The following KCNC1 variants were observed in gnomAD, a reference collection of about 807,000 sequenced individuals.
KCNC1 encodes potassium voltage-gated channel subfamily C member 1, also known as voltage-gated potassium channel KCNC1.
KCNC1 carries 8 observed loss-of-function variants against 43.4 expected under a neutral mutation model. The ratio of observed to expected loss-of-function variants is 0.18; its 90% CI spans 0.11 to 0.33. The LOEUF (loss-of-function observed/expected upper bound fraction) is 0.33. KCNC1 is among the 10% of genes least tolerant of loss of function. The pLI, the probability that KCNC1 is intolerant of heterozygous loss-of-function variation, is 1.00. For missense variants in KCNC1, 420 were observed against 836.0 expected, an observed-to-expected ratio of 0.50 and a Z score of 6.14; for synonymous variants, 361 against 360.5, an observed-to-expected ratio of 1.00 and a Z score of -0.01.
At chr11:17,759,609 G>C (rs1849055844) in intron 1 of KCNC1, among the ~76,000 whole-genome samples, 2 of 152,024 alleles carry the variant, frequency 1.3e-5, no homozygotes, top group African/African-American at 4.8e-5. Context: ...ACCATTGTAG[G>C]GTTATTAATT....
At chr11:17,772,741 G>A (rs765868376) in intron 2 of KCNC1, 143 bp downstream of exon 2, 3 of 1,497,396 alleles carry the variant, frequency 2.0e-6, no homozygotes, top group Non-Finnish European at 8.9e-7. Context: ...GGAGCCTGGG[G>A]GCCCAGGGAG....
chr11:17,738,038 T>C (rs952006804), intron 1 of KCNC1, among the ~76,000 whole-genome samples: 3 of 151,934 alleles, frequency 2.0e-5, no homozygotes, highest in African/African-American at 4.8e-5. Context: ...GTCAGTCTTA[T>C]ACCTTGAATT....
chr11:17,760,754 C>A (rs1286765079), intron 1 of KCNC1, among the ~76,000 whole-genome samples: 1 of 152,190 alleles, frequency 6.6e-6, no homozygotes, highest in East Asian at 1.9e-4. Flanking sequence ...CCGTTGTTCC[C>A]GAGGACAGTG....
chr11:17,736,621 C>T lies in KCNC1; in HGVS notation c.570+49C>T. On this transcript the variant is annotated intron_variant, in intron 1 of 3. Transcript: ENST00000265969. The surrounding 1 kb of genome is among the most constrained non-coding windows in gnomAD (Gnocchi z 9.3). Reference sequence around the variant, plus strand: ...AAGAGCGGGGCGGGAAGGCAGCGTCCTGTGCCTCCCCGCGGGCAGGGGTGG... The same window carrying T: ...AAGAGCGGGGCGGGAAGGCAGCGTCTTGTGCCTCCCCGCGGGCAGGGGTGG... The T allele has an allele frequency of 1.4e-6, 2 of 1,450,018 alleles. No homozygotes were observed. Among genetic ancestry groups the T allele is most frequent in the Non-Finnish European group, 1.8e-6 (2 of 1,108,370 alleles). The allele number at this position is 1,450,018 out of a possible 1,614,324, so 89.8% of individuals were successfully genotyped here. A position where few individuals can be genotyped will look rare whatever the true frequency, so the allele number is the denominator to read the frequency against.
chr11:17,769,321 A>G (rs1476601000), intron 1 of KCNC1, among the ~76,000 whole-genome samples: 1 of 145,716 alleles, frequency 6.9e-6, no homozygotes, highest in African/African-American at 2.5e-5. Flanking sequence ...GGTGGTTGGA[A>G]GGGAGGGATG....
In KCNC1 at chr11:17,777,134, G is replaced by A; in HGVS notation, c.1505-2322G>A. 2.0e-6 allele frequency: 2 copies of A among 984,900 alleles called. No homozygotes were observed. Among genetic ancestry groups the A allele is most frequent in the Non-Finnish European group, 2.4e-6 (2 of 829,748 alleles). The allele number at this position is 984,900 out of a possible 1,614,324, so 61.0% of individuals were successfully genotyped here. ...GCCCTTTAGTGATTGTGAGAGCTGGGAGCCCCCAGGGCCTGGGGGCTTGTG... is the reference window on the plus strand; with the variant it reads ...GCCCTTTAGTGATTGTGAGAGCTGGAAGCCCCCAGGGCCTGGGGGCTTGTG... On this transcript the variant is annotated intron_variant, in intron 2 of 3. Coordinates refer to ENST00000265969, the MANE Select transcript of KCNC1 (RefSeq NM_001112741.2). The surrounding 1 kb of genome is among the most constrained non-coding windows in gnomAD (Gnocchi z 4.3).
intron 1 of KCNC1, among the ~76,000 whole-genome samples, chr11:17,768,595 T>G (rs1236042940): frequency 1.1e-4 from 9 of 81,886 alleles, no homozygotes; most frequent in Admixed American, 2.1e-4. Flanking sequence ...GGGAGTACAG[T>G]GGAGAATGGA....
intron 1 of KCNC1, among the ~76,000 whole-genome samples, chr11:17,737,424 C>G (rs1011373866): frequency 1.3e-5 from 2 of 152,040 alleles, no homozygotes; most frequent in African/African-American, 4.8e-5. Context: ...GGCGTGTCTT[C>G]ATGGGCCACT....
intron 1 of KCNC1, among the ~76,000 whole-genome samples, chr11:17,741,418 A>G (rs1425960491): frequency 6.6e-6 from 1 of 152,040 alleles, no homozygotes; most frequent in Non-Finnish European, 1.5e-5. Context: ...GGCTACTATT[A>G]TTACTACTGT....
intron 2 of KCNC1, chr11:17,774,574 A>G: frequency 1.0e-6 from 1 of 985,632 alleles, no homozygotes; most frequent in Non-Finnish European, 1.2e-6. Flanking sequence ...AGCTAATCCC[A>G]GGACACAAAA....
At position 17,735,398 on chromosome 11, in the gene KCNC1, G is replaced by C. The variant is rs1848751747; in HGVS notation, c.-605G>C. 6.6e-6 allele frequency: 1 copy of C among 152,004 alleles called. No individual in the cohort carries two copies. The highest frequency in any genetic ancestry group is 6.5e-5 in the Admixed American group (1 of 15,272). 9.4% of individuals were successfully genotyped at this position (152,004 alleles called of 1,614,324 possible). A position where few individuals can be genotyped will look rare whatever the true frequency, so the allele number is the denominator to read the frequency against. Reference sequence around the variant, plus strand: ...CCGAGCTGCAGCCCGGCCACGCAGGGAGGAAGGCAGGCGGCATCCATCTCC... The same window carrying C: ...CCGAGCTGCAGCCCGGCCACGCAGGCAGGAAGGCAGGCGGCATCCATCTCC... On this transcript the variant is annotated 5_prime_UTR_variant, in exon 1 of 4. Coordinates refer to ENST00000265969, the MANE Select transcript of KCNC1 (RefSeq NM_001112741.2). The surrounding 1 kb of genome is among the most constrained non-coding windows in gnomAD (Gnocchi z 6.7).
Position 17,777,585 on chromosome 11 carries a change from A to T in KCNC1, c.1505-1871A>T. ...TGCGAGCACACGTGTGTGCCTGCAG[A>T]CATGCCCCAAGACCCCAGAGACGCC... On this transcript the variant is annotated intron_variant, in intron 2 of 3. Transcript: ENST00000265969. This position sits in a 1 kb window ranked among gnomAD's most constrained non-coding sequence, Gnocchi z 4.3. 1.0e-6 allele frequency: 1 copy of T among 985,820 alleles called. No homozygotes were observed. The highest frequency in any genetic ancestry group is 1.2e-6 in the Non-Finnish European group (1 of 829,934). The allele number at this position is 985,820 out of a possible 1,614,324, so 61.1% of individuals were successfully genotyped here.
chr11:17,763,636 A>AG (rs1849105637), intron 1 of KCNC1, among the ~76,000 whole-genome samples: 1 of 79,176 alleles, frequency 1.3e-5, no homozygotes, highest in Non-Finnish European at 2.3e-5. Context: ...CCACACACAC[A>AG]CACCCCCACA....
At chr11:17,764,173 C>G (rs565903993) in intron 1 of KCNC1, among the ~76,000 whole-genome samples, 1 of 148,220 alleles carries the variant, frequency 6.7e-6, no homozygotes, top group Admixed American at 6.8e-5. Flanking sequence ...TATACACACA[C>G]ACAACACAAA....
rs72632994 is a variant in KCNC1, at chr11:17,774,924, G to A, written c.1504+2326G>A. The stretch of plus-strand genomic sequence containing the variant: ...AACACTTCTCCCTCCAAAAGCTGGC[G>A]TGTGAGACCCCGGCTATCCGCCACC... On this transcript the variant is annotated intron_variant, in intron 2 of 3. Transcript: ENST00000265969. 4,000 of 985,452 alleles carry A rather than the reference G, an allele frequency of 4.1e-3. 118 individuals are homozygous for A. In the East Asian group the frequency reaches 0.11, roughly 26 times the overall value. 61.0% of individuals were successfully genotyped at this position (985,452 alleles called of 1,614,324 possible). A position where few individuals can be genotyped will look rare whatever the true frequency, so the allele number is the denominator to read the frequency against.
rs1237365566 is a variant in KCNC1, at chr11:17,779,379, C to T, written c.1505-77C>T. 35 of 1,243,102 alleles carry T rather than the reference C, an allele frequency of 2.8e-5. No homozygotes were observed. Among genetic ancestry groups the T allele is most frequent in the Admixed American group, 6.7e-5 (2 of 29,698 alleles). The allele number at this position is 1,243,102 out of a possible 1,614,324, so 77.0% of individuals were successfully genotyped here. On this transcript the variant is annotated intron_variant, in intron 2 of 3. Coordinates refer to ENST00000265969, the MANE Select transcript of KCNC1 (RefSeq NM_001112741.2). The surrounding 1 kb of genome is among the most constrained non-coding windows in gnomAD (Gnocchi z 7.2). The stretch of plus-strand genomic sequence containing the variant: ...CTCAAGCTGCCCTCTGCCAATACCC[C>T]GCTTCTGGCCTGTCCCCCCCTGCCC...
chr11:17,760,703 C>T (rs139791008), intron 1 of KCNC1, among the ~76,000 whole-genome samples: 3 of 152,324 alleles, frequency 2.0e-5, no homozygotes, highest in East Asian at 3.9e-4. Flanking sequence ...CCTCTGCACG[C>T]GCTGCCTGCT....
chr11:17,767,461 C>T (rs1006257841), intron 1 of KCNC1, among the ~76,000 whole-genome samples: 4 of 152,302 alleles, frequency 2.6e-5, no homozygotes, highest in Admixed American at 6.5e-5. Context: ...GGTGTGAGGA[C>T]TGAAGGCACA....
At chr11:17,752,231 A>G (rs866691820) in intron 1 of KCNC1, among the ~76,000 whole-genome samples, 7 of 152,248 alleles carry the variant, frequency 4.6e-5, no homozygotes, top group Middle Eastern at 3.4e-3. Flanking sequence ...AAGTCTCTCC[A>G]TTTGCACAAG....
Sources: allele counts gnomAD v4.1 joint callset (sites outside exome capture counted in the v4.1 genomes callset), GRCh38; gene constraint gnomAD v4.1.1; non-coding constraint Gnocchi (gnomAD v3.1); transcripts MANE v1.5; gene names NCBI Gene and HGNC (gene_info 2026-07-23, HGNC 2026-07-21).